Variants in QTMAN observed in about 807,000 individuals in gnomAD.
QTMAN encodes queuosine-tRNA mannosyltransferase.
the QTMAN span, among the ~76,000 whole-genome samples, chr2:144,046,829 T>G: frequency 1.3e-5 from 2 of 152,224 alleles, no homozygotes; most frequent in African/African-American, 2.4e-5. Context: ...AATATTTATT[T>G]CATTATGAAG....
the QTMAN span, among the ~76,000 whole-genome samples, chr2:144,106,321 AAG>A: frequency 6.6e-6 from 1 of 152,220 alleles, no homozygotes; most frequent in Non-Finnish European, 1.5e-5. Context: ...AAATCGGACA[AAG>A]AGTCAAGACC....
At chr2:143,978,643 T>TGG in the QTMAN span, among the ~76,000 whole-genome samples, 2 of 152,302 alleles carry the variant, frequency 1.3e-5, no homozygotes, top group African/African-American at 4.8e-5. Flanking sequence ...ACTCCTGGGA[T>TGG]GTTACTTAAG....
At chr2:144,209,626 AGCT>A in the QTMAN span, among the ~76,000 whole-genome samples, 7 of 152,234 alleles carry the variant, frequency 4.6e-5, no homozygotes, top group East Asian at 1.2e-3. Context: ...ACAGAGAATT[AGCT>A]ATCAAGCCAT....
At chr2:144,028,616 A>G in the QTMAN span, among the ~76,000 whole-genome samples, 1 of 152,194 alleles carries the variant, frequency 6.6e-6, no homozygotes, top group Non-Finnish European at 1.5e-5. Context: ...TCCACCGATG[A>G]GCAGAACAAT....
At chr2:144,071,187 T>G in the QTMAN span, among the ~76,000 whole-genome samples, 5 of 150,308 alleles carry the variant, frequency 3.3e-5, no homozygotes, top group Admixed American at 3.3e-4. Context: ...ATAAACATAC[T>G]GCCACTGTTT....
chr2:144,157,642 A>G, the QTMAN span, among the ~76,000 whole-genome samples: 6 of 152,144 alleles, frequency 3.9e-5, no homozygotes, highest in African/African-American at 1.4e-4. Flanking sequence ...TTTGTGTTGA[A>G]GGCAGGGATT....
the QTMAN span, among the ~76,000 whole-genome samples, chr2:144,087,671 C>T: frequency 6.6e-6 from 1 of 151,954 alleles, no homozygotes; most frequent in African/African-American, 2.4e-5. Context: ...CAATAAACAT[C>T]ATATATCACA....
At chr2:144,172,900 C>G in the QTMAN span, among the ~76,000 whole-genome samples, 1 of 151,988 alleles carries the variant, frequency 6.6e-6, no homozygotes, top group Non-Finnish European at 1.5e-5. Flanking sequence ...TGGGGGGTAA[C>G]CTAATGCTCC....
At chr2:144,184,557 A>T in the QTMAN span, among the ~76,000 whole-genome samples, 3 of 152,166 alleles carry the variant, frequency 2.0e-5, no homozygotes, top group Non-Finnish European at 4.4e-5. Context: ...TTAATACAGT[A>T]ATGAGAGTGG....
At chr2:143,998,460 A>C in the QTMAN span, among the ~76,000 whole-genome samples, 1 of 151,934 alleles carries the variant, frequency 6.6e-6, no homozygotes, top group South Asian at 2.1e-4. Flanking sequence ...CATAATTTGT[A>C]GTAGTTACTG....
the QTMAN span, among the ~76,000 whole-genome samples, chr2:144,190,636 A>G: frequency 6.6e-6 from 1 of 152,202 alleles, no homozygotes; most frequent in Non-Finnish European, 1.5e-5. Context: ...AGTCTCTAAT[A>G]ATCACTGATG....
chr2:144,236,646 G>T, the QTMAN span, among the ~76,000 whole-genome samples: 2 of 152,016 alleles, frequency 1.3e-5, no homozygotes, highest in African/African-American at 4.8e-5. Context: ...TTATGACAAG[G>T]AAAAAATAAG....
At chr2:144,270,904 C>T in the QTMAN span, among the ~76,000 whole-genome samples, 3 of 152,308 alleles carry the variant, frequency 2.0e-5, no homozygotes, top group African/African-American at 7.2e-5. Flanking sequence ...TTCTTAGCTA[C>T]TCTTAAAAGA....
chr2:144,321,105 C>G, the QTMAN span, among the ~76,000 whole-genome samples: 1 of 152,166 alleles, frequency 6.6e-6, no homozygotes, highest in South Asian at 2.1e-4. Context: ...TATCACCCCC[C>G]ACAACCAAGT....
chr2:144,111,258 C>T, the QTMAN span, among the ~76,000 whole-genome samples: 1 of 152,276 alleles, frequency 6.6e-6, no homozygotes, highest in East Asian at 1.9e-4. Context: ...ACATCTAGAG[C>T]ATGTCCATGA....
the QTMAN span, among the ~76,000 whole-genome samples, chr2:144,047,302 C>T: frequency 3.3e-5 from 5 of 151,888 alleles, no homozygotes; most frequent in African/African-American, 9.7e-5. Context: ...AAAGACTATT[C>T]GCCATTTGTG....
the QTMAN span, among the ~76,000 whole-genome samples, chr2:144,298,105 G>A: frequency 6.7e-3 from 1,015 of 150,462 alleles, 6 homozygotes; most frequent in Admixed American, 0.011. Context: ...TTCAAGCTGC[G>A]CCTCCCAGGT....
At chr2:143,977,486 C>T in the QTMAN span, among the ~76,000 whole-genome samples, 2 of 152,110 alleles carry the variant, frequency 1.3e-5, no homozygotes, top group Non-Finnish European at 1.5e-5. Flanking sequence ...CACGACTCCA[C>T]AGAGTGAATG....
chr2:143,979,210 A>T, the QTMAN span, among the ~76,000 whole-genome samples: 1 of 152,220 alleles, frequency 6.6e-6, no homozygotes, highest in East Asian at 1.9e-4. Flanking sequence ...TAGAGAAAGG[A>T]TTATACAGGA....
Sources: allele counts gnomAD v4.1 joint callset (sites outside exome capture counted in the v4.1 genomes callset), GRCh38; gene constraint gnomAD v4.1.1; transcripts MANE v1.5; gene names NCBI Gene and HGNC (gene_info 2026-07-23, HGNC 2026-07-21).